Variants in CNTN5 observed in about 807,000 individuals in gnomAD.
CNTN5 encodes the protein contactin-5.
A neutral mutation model predicts 129.1 loss-of-function variants in CNTN5; 77 were observed. The ratio of observed to expected loss-of-function variants is 0.60; its 90% CI spans 0.50 to 0.72. The LOEUF (loss-of-function observed/expected upper bound fraction) is 0.72. Ranked by LOEUF, CNTN5 falls within the 30% of genes least tolerant of loss-of-function variation. The probability of loss-of-function intolerance (pLI) is 0.00; values close to 1 mark genes in which losing one functional copy is unlikely to be tolerated. For synonymous variants in CNTN5, 509 were observed against 465.6 expected, an observed-to-expected ratio of 1.09 and a Z score of -1.20; for missense variants, 1,478 against 1,328.8, an observed-to-expected ratio of 1.11 and a Z score of -1.75.
intron 3 of CNTN5, among the ~76,000 whole-genome samples, chr11:99,784,118 G>A (rs941186151): frequency 6.6e-6 from 1 of 152,044 alleles, no homozygotes; most frequent in African/African-American, 2.4e-5. Context: ...ATCCCTGAAA[G>A]TCATCAGTCA....
At chr11:99,164,944 T>C (rs1860804496) in intron 1 of CNTN5, among the ~76,000 whole-genome samples, 1 of 152,202 alleles carries the variant, frequency 6.6e-6, no homozygotes, top group African/African-American at 2.4e-5. Flanking sequence ...TGTATATATC[T>C]AAACAGAAAT....
intron 13 of CNTN5, among the ~76,000 whole-genome samples, chr11:100,180,655 G>T (rs1434533611): frequency 6.6e-6 from 1 of 151,950 alleles, no homozygotes; most frequent in Non-Finnish European, 1.5e-5. Context: ...AAGAACTCTT[G>T]CTCTGTGAAA....
chr11:99,917,041 TA>T (rs1204474981), intron 7 of CNTN5, among the ~76,000 whole-genome samples: 4 of 152,018 alleles, frequency 2.6e-5, no homozygotes, highest in African/African-American at 9.7e-5. Context: ...CTACTGTACA[TA>T]TTTTTTTAAT....
intron 11 of CNTN5, among the ~76,000 whole-genome samples, chr11:100,071,117 A>AT (rs965973891): frequency 5.9e-5 from 9 of 152,054 alleles, no homozygotes; most frequent in African/African-American, 1.9e-4. Context: ...CACATGCTCA[A>AT]TTTTTTGTTT....
At chr11:99,610,432 A>G (rs1591357775) in intron 3 of CNTN5, among the ~76,000 whole-genome samples, 1 of 152,142 alleles carries the variant, frequency 6.6e-6, no homozygotes, top group Non-Finnish European at 1.5e-5. Context: ...GATCCAAATG[A>G]TGAATTTATG....
At chr11:99,101,719 T>C (rs1866742406) in intron 1 of CNTN5, among the ~76,000 whole-genome samples, 1 of 152,232 alleles carries the variant, frequency 6.6e-6, no homozygotes, top group Admixed American at 6.5e-5. Flanking sequence ...GCACCACTTC[T>C]GTGGCTTTGC....
intron 15 of CNTN5, among the ~76,000 whole-genome samples, chr11:100,222,138 A>G (rs1949277822): frequency 6.6e-6 from 1 of 152,220 alleles, no homozygotes; most frequent in Non-Finnish European, 1.5e-5. Flanking sequence ...TGTTAAAAAT[A>G]TGATGTAGAT....
intron 3 of CNTN5, among the ~76,000 whole-genome samples, chr11:99,785,355 G>C (rs1215111042): frequency 6.6e-6 from 1 of 152,048 alleles, no homozygotes; most frequent in Non-Finnish European, 1.5e-5. Flanking sequence ...TAGGTTGTCT[G>C]TTCACTCTGA....
At chr11:99,159,935 G>A (rs970460979) in intron 1 of CNTN5, among the ~76,000 whole-genome samples, 1 of 152,106 alleles carries the variant, frequency 6.6e-6, no homozygotes, top group African/African-American at 2.4e-5. Context: ...TCATTTTAAA[G>A]GCACTTGATA....
intron 3 of CNTN5, among the ~76,000 whole-genome samples, chr11:99,646,732 G>A (rs1344365275): frequency 6.7e-6 from 1 of 149,152 alleles, no homozygotes; most frequent in Non-Finnish European, 1.5e-5. Context: ...TTGACAATAT[G>A]TGTAAATGAC....
intron 3 of CNTN5, among the ~76,000 whole-genome samples, chr11:99,716,221 G>A (rs1233302239): frequency 6.6e-6 from 1 of 151,878 alleles, no homozygotes; most frequent in Non-Finnish European, 1.5e-5. Flanking sequence ...AATTCCTGTT[G>A]GAGTACTGTG....
chr11:99,569,792 T>G (rs1032269001), intron 3 of CNTN5, among the ~76,000 whole-genome samples: 2 of 152,172 alleles, frequency 1.3e-5, no homozygotes, highest in African/African-American at 4.8e-5. Context: ...TGCAGTAATT[T>G]CTGGTGAAGA....
intron 1 of CNTN5, among the ~76,000 whole-genome samples, chr11:99,249,275 A>G (rs908145698): frequency 6.6e-6 from 1 of 151,920 alleles, no homozygotes; most frequent in Non-Finnish European, 1.5e-5. Context: ...TTTGTCTGTT[A>G]TTGGTGTATA....
At chr11:99,957,128 C>A in intron 8 of CNTN5, 119 bp downstream of exon 8, 4 of 834,298 alleles carry the variant, frequency 4.8e-6, no homozygotes, top group Non-Finnish European at 7.3e-6. Flanking sequence ...AGGCATTTGC[C>A]ATATTTAGAC....
At chr11:99,360,537 T>C (rs1939034043) in intron 2 of CNTN5, among the ~76,000 whole-genome samples, 1 of 152,310 alleles carries the variant, frequency 6.6e-6, no homozygotes, top group South Asian at 2.1e-4. Context: ...GGTTTACCTC[T>C]GGCAGCCCTG....
At chr11:99,948,274 A>G (rs1181925968) in intron 7 of CNTN5, among the ~76,000 whole-genome samples, 2 of 152,210 alleles carry the variant, frequency 1.3e-5, no homozygotes, top group African/African-American at 4.8e-5. Flanking sequence ...ACTGTGCAAT[A>G]ATGAAGCTTT....
intron 2 of CNTN5, among the ~76,000 whole-genome samples, chr11:99,379,967 A>G (rs1359593925): frequency 6.6e-6 from 1 of 152,064 alleles, no homozygotes; most frequent in Admixed American, 6.5e-5. Context: ...TGAGGTTCAT[A>G]TATACACATA....
In CNTN5 at chr11:99,733,359, TG is replaced by T. The variant is rs200673263; in HGVS notation, c.56-86181del. On this transcript the variant is annotated intron_variant, in intron 3 of 24. Transcript: ENST00000524871. Reference sequence around the variant, plus strand: ...AAAAAGCCTTAATGTGGCCATTTTCTGGGGCGCCTCCTGCTGGTTTCACTAT... The same window carrying T: ...AAAAAGCCTTAATGTGGCCATTTTCTGGGCGCCTCCTGCTGGTTTCACTAT... Among the ~76,000 whole-genome samples, 628 of 143,032 alleles carry T rather than the reference TG, an allele frequency of 4.4e-3. 11 individuals carry two copies. Among genetic ancestry groups the T allele is most frequent in the African/African-American group, 0.016 (589 of 37,494 alleles). The allele number at this position is 143,032 out of a possible 152,430, so 93.8% of individuals were successfully genotyped here. A position where few individuals can be genotyped will look rare whatever the true frequency, so the allele number is the denominator to read the frequency against.
chr11:99,999,578 C>G (rs1565773883), intron 8 of CNTN5, among the ~76,000 whole-genome samples: 2 of 152,304 alleles, frequency 1.3e-5, no homozygotes, highest in Admixed American at 6.5e-5. Context: ...ACTAGTTCAA[C>G]CATTGTGGAA....
Sources: allele counts gnomAD v4.1 joint callset (sites outside exome capture counted in the v4.1 genomes callset), GRCh38; gene constraint gnomAD v4.1.1; transcripts MANE v1.5; gene names NCBI Gene and HGNC (gene_info 2026-07-23, HGNC 2026-07-21).